The following PDSS2 variants were observed in gnomAD, a reference collection of about 807,000 sequenced individuals.
The protein encoded by PDSS2 is all trans-polyprenyl-diphosphate synthase PDSS2.
In PDSS2, 31 loss-of-function variants were observed where a neutral mutation model predicts 44.5. The ratio of observed to expected loss-of-function variants is 0.70; its 90% confidence interval spans 0.52 to 0.94. The LOEUF (loss-of-function observed/expected upper bound fraction) is 0.94, where lower values mean the gene tolerates loss of function less well. Among genes scored for constraint, PDSS2 ranks in the 40% least tolerant of loss-of-function variants. The pLI is 0.00. For synonymous variants in PDSS2, 157 were observed against 180.3 expected, an observed-to-expected ratio of 0.87 and a Z score of 1.03; for missense variants, 452 against 482.2, an observed-to-expected ratio of 0.94 and a Z score of 0.59.
chr6:107,197,458 C>G (rs1263103612), intron 6 of PDSS2, among the ~76,000 whole-genome samples: 1 of 98,948 alleles, frequency 1.0e-5, no homozygotes, highest in Non-Finnish European at 1.9e-5. Context: ...CCAGCCTAGG[C>G]AACAAAGTGA....
intron 1 of PDSS2, among the ~76,000 whole-genome samples, chr6:107,429,901 A>AAAAAATATATATATATATATATAT (rs1166637352): frequency 6.3e-5 from 2 of 31,836 alleles, no homozygotes; most frequent in Non-Finnish European, 5.3e-5. Context: ...AAAAAAAAAA[A>AAAAAATATATATATATATATATAT]ATATATATAT....
At chr6:107,362,816 G>A (rs1233942545) in intron 1 of PDSS2, among the ~76,000 whole-genome samples, 1 of 152,114 alleles carries the variant, frequency 6.6e-6, no homozygotes, top group Non-Finnish European at 1.5e-5. Context: ...CAGAGTCTCA[G>A]TAAAAAGATA....
In PDSS2 at chr6:107,296,050, G is replaced by C. The variant is rs73511136; in HGVS notation, c.432-21823C>G. ...AGCAAAGCTGGGTCGTGGTTCACCTGGTCTCTTTTCTGACATGAGACCAGT... is the reference window on the plus strand; with the variant it reads ...AGCAAAGCTGGGTCGTGGTTCACCTCGTCTCTTTTCTGACATGAGACCAGT... On this transcript the variant is annotated intron_variant, in intron 2 of 7. Coordinates refer to ENST00000369037, the MANE Select transcript of PDSS2 (RefSeq NM_020381.4). Among the ~76,000 whole-genome samples, 611 of 152,252 alleles carry C rather than the reference G, an allele frequency of 4.0e-3. 3 individuals are homozygous for C. The highest frequency in any genetic ancestry group is 0.014 in the African/African-American group (600 of 41,534).
At chr6:107,242,095 A>G (rs1774455595) in intron 4 of PDSS2, among the ~76,000 whole-genome samples, 1 of 152,136 alleles carries the variant, frequency 6.6e-6, no homozygotes, top group Non-Finnish European at 1.5e-5. Context: ...CTGAAGAGCC[A>G]TTGCAATGGT....
intron 2 of PDSS2, among the ~76,000 whole-genome samples, chr6:107,286,131 C>CAAAAT (rs1554262533): frequency 1.3e-4 from 2 of 15,532 alleles, no homozygotes; most frequent in East Asian, 1.8e-3. Flanking sequence ...AACTTCGTCG[C>CAAAAT]AAAATAAAAA....
intron 3 of PDSS2, among the ~76,000 whole-genome samples, chr6:107,261,799 G>A (rs1208031003): frequency 2.0e-5 from 3 of 150,284 alleles, no homozygotes; most frequent in African/African-American, 4.9e-5. Flanking sequence ...GGCTGGTCTC[G>A]AACTCCTGAC....
At chr6:107,322,981 A>G (rs888258990) in intron 2 of PDSS2, among the ~76,000 whole-genome samples, 3 of 152,182 alleles carry the variant, frequency 2.0e-5, no homozygotes, top group African/African-American at 7.2e-5. Context: ...TATTATCAAC[A>G]CCACCCACTT....
rs549078809 is a variant in PDSS2, at chr6:107,426,305, G to C, written c.296+32685C>G. 6.6e-5 allele frequency among the ~76,000 whole-genome samples: 10 copies of C among 152,336 alleles called. No individual in the cohort carries two copies. The East Asian group carries it at 1.5e-3, about 24-fold the overall frequency. On this transcript the variant is annotated intron_variant, in intron 1 of 7. Transcript: ENST00000369037. ...GTTTTGGCAGCTTCCACACGGTGTT[G>C]AGCCTTTGAGTGTATAGAAGTCAAG... is the stretch of plus-strand genomic sequence containing the variant.
intron 4 of PDSS2, among the ~76,000 whole-genome samples, chr6:107,238,553 T>C (rs765496866): frequency 1.5e-4 from 23 of 152,218 alleles, no homozygotes; most frequent in Non-Finnish European, 2.8e-4. Context: ...TGTGATAACA[T>C]GTATGAAACA....
At chr6:107,166,889 T>C (rs370019604) in intron 7 of PDSS2, among the ~76,000 whole-genome samples, 6 of 152,244 alleles carry the variant, frequency 3.9e-5, no homozygotes, top group Non-Finnish European at 7.3e-5. Context: ...CAGTATTTTA[T>C]TGAGGATTTT....
chr6:107,173,708 G>C (rs1771691057), intron 7 of PDSS2, among the ~76,000 whole-genome samples: 1 of 151,112 alleles, frequency 6.6e-6, no homozygotes, highest in Non-Finnish European at 1.5e-5. Context: ...AAGAAGAAAT[G>C]CATATTAAAT....
At chr6:107,270,009 C>T (rs1775544261) in intron 3 of PDSS2, among the ~76,000 whole-genome samples, 1 of 151,888 alleles carries the variant, frequency 6.6e-6, no homozygotes, top group Non-Finnish European at 1.5e-5. Context: ...AAGTTCAATA[C>T]CACTGTTGGG....
intron 1 of PDSS2, among the ~76,000 whole-genome samples, chr6:107,404,947 A>G (rs1390995758): frequency 6.6e-6 from 1 of 152,216 alleles, no homozygotes; most frequent in African/African-American, 2.4e-5. Context: ...CCAAGCAAAT[A>G]CATTGCAAGA....
intron 2 of PDSS2, among the ~76,000 whole-genome samples, chr6:107,314,477 T>C (rs1468809523): frequency 6.6e-6 from 1 of 152,200 alleles, no homozygotes; most frequent in Non-Finnish European, 1.5e-5. Flanking sequence ...AGAGGCAGCA[T>C]GTCAAATAGG....
intron 1 of PDSS2, among the ~76,000 whole-genome samples, chr6:107,425,262 A>C (rs1780959048): frequency 6.6e-6 from 1 of 152,226 alleles, no homozygotes; most frequent in Non-Finnish European, 1.5e-5. Flanking sequence ...GTATACCCAA[A>C]AATGTGAAAG....
chr6:107,260,965 C>A (rs769139804), intron 3 of PDSS2, among the ~76,000 whole-genome samples: 1 of 152,044 alleles, frequency 6.6e-6, no homozygotes, highest in African/African-American at 2.4e-5. Context: ...CCTGGCCCCC[C>A]CTCCATTTTC....
chr6:107,190,589 G>C (rs1286717085), intron 7 of PDSS2, among the ~76,000 whole-genome samples: 1 of 152,172 alleles, frequency 6.6e-6, no homozygotes, highest in East Asian at 1.9e-4. Context: ...AGTGTATTGA[G>C]GAACTGAGGA....
chr6:107,369,995 C>T lies in PDSS2; in HGVS notation c.297-35663G>A, dbSNP rs540262438. On this transcript the variant is annotated intron_variant, in intron 1 of 7. Transcript: ENST00000369037. ...TTGGATGACAGAGTAAGATGTGTTTCGCAAAGAAAAAAAAAAAACTACAGA... is the reference window on the plus strand; with the variant it reads ...TTGGATGACAGAGTAAGATGTGTTTTGCAAAGAAAAAAAAAAAACTACAGA... Among the ~76,000 whole-genome samples the T allele has an allele frequency of 6.0e-5, 9 of 150,666 alleles. No individual in the cohort carries two copies. The South Asian group carries it at 6.3e-4, about 11-fold the overall frequency.
intron 1 of PDSS2, among the ~76,000 whole-genome samples, chr6:107,370,995 C>T (rs143274649): frequency 3.2e-4 from 49 of 152,142 alleles, no homozygotes; most frequent in African/African-American, 1.1e-3. Flanking sequence ...CCAGCCTGAC[C>T]GACATGGTGA....
Sources: gnomAD v4.1 joint callset for allele counts (sites outside exome capture counted in the v4.1 genomes callset) on GRCh38, gnomAD v4.1.1 for gene constraint, MANE v1.5 for transcripts, NCBI Gene and HGNC (gene_info 2026-07-23, HGNC 2026-07-21) for gene names.